Variants in MSRA observed in about 807,000 individuals in gnomAD.
The protein encoded by MSRA is methionine sulfoxide reductase A.
A neutral mutation model predicts 31.3 loss-of-function variants in MSRA; 54 were observed. The observed-to-expected ratio is 1.73, with a 90% CI of 1.39 to 2.17. The LOEUF (loss-of-function observed/expected upper bound fraction) is 2.17, where lower values mean the gene tolerates loss of function less well. Among genes scored for constraint, MSRA ranks in the 30% most tolerant of loss-of-function variants. The pLI is 0.00. For synonymous variants in MSRA, 169 were observed against 116.5 expected, an observed-to-expected ratio of 1.45 and a Z score of -2.90; for missense variants, 507 against 300.9, an observed-to-expected ratio of 1.69 and a Z score of -5.07.
rs530744445 is a variant in MSRA, at chr8:10,207,065, C to A, written c.143-768C>A. Among the ~76,000 whole-genome samples the A allele has an allele frequency of 1.6e-4, 25 of 152,342 alleles. No homozygotes were observed. In the South Asian group the frequency reaches 5.2e-3, roughly 32 times the overall value. ...CATAAGTGCTCCTATTCAAAACCTG[C>A]TGAGGATATTATTTAGAAAATGCTC... On this transcript the variant is annotated intron_variant, in intron 1 of 5. Coordinates refer to ENST00000317173, the MANE Select transcript of MSRA (RefSeq NM_012331.5).
chr8:10,147,129 C>T (rs1381388956), intron 1 of MSRA, among the ~76,000 whole-genome samples: 2 of 152,098 alleles, frequency 1.3e-5, no homozygotes, highest in Non-Finnish European at 2.9e-5. Context: ...TCAGCAGGGC[C>T]CGGTGCTGTC....
rs543557555 is a variant in MSRA, at chr8:10,160,216, G to A, written c.143-47617G>A. Among the ~76,000 whole-genome samples the A allele has an allele frequency of 3.9e-5, 6 of 152,150 alleles. No individual in the cohort carries two copies. The South Asian group carries it at 1.2e-3, about 32-fold the overall frequency. ...GGTGATTAGAAATATAGATAGGATG[G>A]GGCCAGGCACAGTGGCTCACACCTG... On this transcript the variant is annotated intron_variant, in intron 1 of 5. Coordinates refer to ENST00000317173, the MANE Select transcript of MSRA (RefSeq NM_012331.5).
intron 1 of MSRA, among the ~76,000 whole-genome samples, chr8:10,142,526 T>A (rs1027207975): frequency 1.6e-4 from 24 of 152,334 alleles, no homozygotes; most frequent in African/African-American, 5.8e-4. Context: ...GCAGTAGCAT[T>A]TCTGACAAAG....
chr8:10,392,403 G>A lies in MSRA; in HGVS notation c.544-35745G>A, dbSNP rs183357725. ...GGGAAGGTGACTTCCCTGAGCCGAC[G>A]TGGCTGGTCAGTGTCAAGGCTGGGC... On this transcript the variant is annotated intron_variant, in intron 5 of 5. Coordinates refer to ENST00000317173, the MANE Select transcript of MSRA (RefSeq NM_012331.5). 5.3e-4 allele frequency among the ~76,000 whole-genome samples: 80 copies of A among 152,310 alleles called. 1 individual carries two copies. The highest frequency in any genetic ancestry group is 4.3e-3 in the Admixed American group (66 of 15,302).
chr8:10,310,724 G>A (rs1421034068), intron 4 of MSRA, among the ~76,000 whole-genome samples: 2 of 152,216 alleles, frequency 1.3e-5, no homozygotes, highest in Non-Finnish European at 2.9e-5. Context: ...ATTGCTTGAC[G>A]GAGGTGGAAT....
chr8:10,232,204 G>C, intron 2 of MSRA, among the ~76,000 whole-genome samples: 1 of 152,204 alleles, frequency 6.6e-6, no homozygotes, highest in East Asian at 1.9e-4. Flanking sequence ...ATTTGGATAA[G>C]ACACTGAAGG....
chr8:10,409,070 T>C (rs528470186), intron 5 of MSRA, among the ~76,000 whole-genome samples: 2 of 152,234 alleles, frequency 1.3e-5, no homozygotes, highest in Non-Finnish European at 2.9e-5. Context: ...TTATTTTCCT[T>C]TGGGCAGATG....
At chr8:10,401,824 T>A (rs560871409) in intron 5 of MSRA, among the ~76,000 whole-genome samples, 1 of 152,284 alleles carries the variant, frequency 6.6e-6, no homozygotes, top group South Asian at 2.1e-4. Flanking sequence ...AAATACTGTA[T>A]GATTCCTCTT....
chr8:10,207,941 A>G (rs1407317629), intron 2 of MSRA, 40 bp downstream of exon 2: 1 of 1,541,016 alleles, frequency 6.5e-7, no homozygotes, highest in East Asian at 2.3e-5. Context: ...AATTGTGTGC[A>G]AAGACTAGTG....
chr8:10,123,635 T>C (rs1801287998), intron 1 of MSRA, among the ~76,000 whole-genome samples: 1 of 152,154 alleles, frequency 6.6e-6, no homozygotes, highest in African/African-American at 2.4e-5. Context: ...TCCAGAGTTT[T>C]TATAGTTTTG....
intron 3 of MSRA, among the ~76,000 whole-genome samples, chr8:10,267,157 C>T (rs537225260): frequency 3.9e-5 from 6 of 152,318 alleles, no homozygotes; most frequent in East Asian, 3.9e-4. Context: ...TTACCCCACC[C>T]GCTCCCGGTT....
At position 10,426,566 on chromosome 8, in the gene MSRA, G is replaced by A. The variant is rs577060481; in HGVS notation, c.544-1582G>A. On this transcript the variant is annotated intron_variant, in intron 5 of 5. Transcript: ENST00000317173. ...TCTTTTACGTAGCCTGCCAAATTTC[G>A]TGTGAGTTTCTCTGATTGGTGGAAT... Among the ~76,000 whole-genome samples, 4 of 152,300 alleles carry A rather than the reference G, an allele frequency of 2.6e-5. No homozygotes were observed. In the South Asian group the frequency reaches 6.2e-4, roughly 24 times the overall value.
intron 1 of MSRA, among the ~76,000 whole-genome samples, chr8:10,172,965 C>T (rs1390114265): frequency 1.3e-5 from 2 of 152,110 alleles, no homozygotes; most frequent in Non-Finnish European, 2.9e-5. Flanking sequence ...AACCATGACA[C>T]AGATTGGAGC....
chr8:10,413,328 C>G (rs1183809301), intron 5 of MSRA, among the ~76,000 whole-genome samples: 6 of 152,188 alleles, frequency 3.9e-5, no homozygotes, highest in South Asian at 4.1e-4. Context: ...GCTAACCACA[C>G]TGAGACTTCA....
intron 1 of MSRA, among the ~76,000 whole-genome samples, chr8:10,084,228 A>G (rs1282964297): frequency 6.6e-6 from 1 of 152,098 alleles, no homozygotes; most frequent in Admixed American, 6.5e-5. Flanking sequence ...CTTCTCTTTC[A>G]CAGTAGGTTT....
intron 1 of MSRA, among the ~76,000 whole-genome samples, chr8:10,092,230 T>G (rs1378299209): frequency 1.3e-5 from 2 of 152,220 alleles, no homozygotes; most frequent in African/African-American, 2.4e-5. Context: ...CTTTCTTTTT[T>G]TGGTCTGTAT....
intron 5 of MSRA, among the ~76,000 whole-genome samples, chr8:10,379,212 G>C (rs918819846): frequency 2.0e-4 from 31 of 152,050 alleles, no homozygotes; most frequent in Non-Finnish European, 1.3e-4. Context: ...TGTCTGCCCA[G>C]GGAAAGTCAC....
intron 5 of MSRA, among the ~76,000 whole-genome samples, chr8:10,397,003 C>G (rs540883887): frequency 6.6e-6 from 1 of 152,278 alleles, no homozygotes; most frequent in East Asian, 1.9e-4. Flanking sequence ...TTTTTTACTC[C>G]AGGAACCTGG....
chr8:10,282,539 C>T (rs2129107716), intron 3 of MSRA, among the ~76,000 whole-genome samples: 1 of 152,292 alleles, frequency 6.6e-6, no homozygotes, highest in South Asian at 2.1e-4. Flanking sequence ...GTGTCCAGCC[C>T]TATTATCTCT....
Sources: allele counts gnomAD v4.1 joint callset (sites outside exome capture counted in the v4.1 genomes callset), GRCh38; gene constraint gnomAD v4.1.1; transcripts MANE v1.5; gene names NCBI Gene and HGNC (gene_info 2026-07-23, HGNC 2026-07-21).